PPP6R1: variants seen among roughly 807,000 people sequenced by gnomAD.
The protein encoded by PPP6R1 is protein phosphatase 6 regulatory subunit 1.
A neutral mutation model predicts 104.6 loss-of-function variants in PPP6R1; 39 were observed. The ratio of observed to expected loss-of-function variants is 0.37; its 90% CI spans 0.29 to 0.49. The LOEUF is 0.49. Ranked by LOEUF, PPP6R1 falls within the 20% of genes least tolerant of loss-of-function variation. The pLI is 0.98. For missense variants in PPP6R1, 1,181 were observed against 1,155.8 expected (o/e 1.02, Z -0.32); for synonymous variants, 549 against 479.0 (o/e 1.15, Z -1.91).
chr19:55,252,072 A>G (rs1158291258), intron 1 of PPP6R1, among the ~76,000 whole-genome samples: 2 of 152,234 alleles, frequency 1.3e-5, no homozygotes, highest in African/African-American at 2.4e-5. Flanking sequence ...AGGCAAATCC[A>G]TAGAGACAGA....
chr19:55,244,010 G>A (rs531005352), intron 5 of PPP6R1, among the ~76,000 whole-genome samples: 2 of 152,328 alleles, frequency 1.3e-5, no homozygotes, highest in South Asian at 2.1e-4. Flanking sequence ...TAAAAGCGCT[G>A]AATCGTAAGC....
At chr19:55,254,238 T>C (rs2087575631) in intron 1 of PPP6R1, among the ~76,000 whole-genome samples, 1 of 152,232 alleles carries the variant, frequency 6.6e-6, no homozygotes. Context: ...CGGAAGTGAC[T>C]ACCACTAGTT....
At position 55,245,757 on chromosome 19, in the gene PPP6R1, T is replaced by C; in HGVS notation, c.228-79A>G. The C allele has an allele frequency of 1.7e-6, 2 of 1,206,200 alleles. No individual in the cohort carries two copies. Among genetic ancestry groups the C allele is most frequent in the Non-Finnish European group, 1.2e-6 (1 of 858,256 alleles). 74.7% of individuals were successfully genotyped at this position (1,206,200 alleles called of 1,614,324 possible). A position where few individuals can be genotyped will look rare whatever the true frequency, so the allele number is the denominator to read the frequency against. On this transcript the variant is annotated intron_variant, in intron 2 of 23. Transcript: ENST00000412770. This position sits in a 1 kb window ranked among gnomAD's most constrained non-coding sequence, Gnocchi z 6.4. ...GGCGGCAAGGCTCCACCCTCTTCTC[T>C]GCACCGGGCACTGGGTTTCTGGGAA... is the stretch of plus-strand genomic sequence containing the variant.
chr19:55,252,422 A>C, intron 1 of PPP6R1, among the ~76,000 whole-genome samples: 1 of 143,470 alleles, frequency 7.0e-6, no homozygotes, highest in African/African-American at 2.6e-5. Context: ...TTTTTGAGAC[A>C]GAGTTTCGCT....
chr19:55,231,292 T>TG, intron 21 of PPP6R1, 118 bp downstream of exon 21: 3 of 1,225,632 alleles, frequency 2.4e-6, no homozygotes, highest in Non-Finnish European at 3.5e-6. Flanking sequence ...AGGCTGCGCC[T>TG]GGGGGTCCTG....
At chr19:55,236,324 T>C in intron 17 of PPP6R1, 1 of 266,426 alleles carries the variant, frequency 3.8e-6, no homozygotes, top group Non-Finnish European at 7.1e-6. Flanking sequence ...CCATCTAACT[T>C]TTGTATTTTT....
At chr19:55,242,658 A>T in intron 5 of PPP6R1, 170 bp from the exon 6 acceptor site, 1 of 626,712 alleles carries the variant, frequency 1.6e-6, no homozygotes. Flanking sequence ...GCTGGAGGGA[A>T]GATGGTGGAG....
intron 1 of PPP6R1, among the ~76,000 whole-genome samples, chr19:55,254,590 G>A (rs999092138): frequency 1.3e-5 from 2 of 152,134 alleles, no homozygotes; most frequent in African/African-American, 4.8e-5. Context: ...CCCAACCTGC[G>A]CTGACCCACG....
At chr19:55,230,710 A>G (rs2087334355) in intron 22 of PPP6R1, 26 bp from the exon 23 acceptor site, 1 of 1,543,858 alleles carries the variant, frequency 6.5e-7, no homozygotes, top group South Asian at 1.2e-5. Flanking sequence ...GGGGATGTGC[A>G]GAGGTCACTT....
rs759211090 is a variant in PPP6R1, at chr19:55,258,140, G to A, written c.-7+295C>T. 1.4e-4 allele frequency among the ~76,000 whole-genome samples: 22 copies of A among 152,366 alleles called. No individual in the cohort carries two copies. The Middle Eastern group carries it at 0.01, about 71-fold the overall frequency. On this transcript the variant is annotated intron_variant, in intron 1 of 23. Coordinates refer to ENST00000412770, the MANE Select transcript of PPP6R1 (RefSeq NM_014931.4). ...GCCAGAGAGGCAAGAGAGCGGAGCT[G>A]AGGCTCAGGGACTGGGGAGCGCAGC...
rs1273292936 is a variant in PPP6R1 at position 55,239,681 on chromosome 19, C to A, written c.1566G>T (p.Val522=). ...ETNKKNMVDL[V]NTHHLHSSSD... is the part of the protein sequence containing the mutation. ...TGGAGGAGTGTAGGTGGTGGGTGTT[C>A]ACCTGGGGAGAGGAGGGGGCGTCAG... Residue 522 remains valine (V), a splice_region_variant and synonymous_variant, in exon 14 of 24, where the codon GTG becomes GTT. Transcript: ENST00000412770. 1 of 1,610,306 alleles carries A rather than the reference C, an allele frequency of 6.2e-7. No individual in the cohort carries two copies. Among genetic ancestry groups the A allele is most frequent in the East Asian group, 2.2e-5 (1 of 44,778 alleles).
Position 55,230,679 on chromosome 19 carries a change from T to A in PPP6R1, c.2576A>T (p.Gln859Leu). 1 of 1,595,688 alleles carries A rather than the reference T, an allele frequency of 6.3e-7. No individual in the cohort carries two copies. The highest frequency in any genetic ancestry group is 2.3e-5 in the East Asian group (1 of 44,292). The change falls in exon 23 of 24, where the codon CAG becomes CTG. Residue 859 changes from glutamine to leucine, a missense_variant. Transcript: ENST00000412770. ...GGGTATCGGAGGAGGCGTGAGGGCC[T>A]GGGCACTGTCAGGGGAGAGAGGGGA... Reference protein sequence around the residue: ...PLGLPQSQSAQALTPPPIPNG... With the variant: ...PLGLPQSQSALALTPPPIPNG...
chr19:55,230,965 G>T (rs1324915610), intron 21 of PPP6R1, 81 bp from the exon 22 acceptor site: 1 of 1,235,444 alleles, frequency 8.1e-7, no homozygotes. Context: ...CCCGACTGAA[G>T]TCGGCTCACT....
At chr19:55,257,964 G>GCC (rs2122765565) in intron 1 of PPP6R1, among the ~76,000 whole-genome samples, 1 of 152,352 alleles carries the variant, frequency 6.6e-6, no homozygotes, top group East Asian at 1.9e-4. Context: ...GTGAAAACAA[G>GCC]CCCCGCTCCT....
chr19:55,236,875 C>A (rs1383036167), intron 16 of PPP6R1, 38 bp downstream of exon 16: 1 of 1,611,022 alleles, frequency 6.2e-7, no homozygotes, highest in African/African-American at 1.3e-5. Context: ...CCCCACACCC[C>A]TCCACCCGCC....
intron 5 of PPP6R1, among the ~76,000 whole-genome samples, chr19:55,244,719 GCT>G (rs914680303): frequency 1.3e-5 from 2 of 151,940 alleles, no homozygotes; most frequent in African/African-American, 4.8e-5. Flanking sequence ...GGTTCTCAAT[GCT>G]CTCTTTTCTC....
Position 55,240,062 on chromosome 19 carries a change from C to T in PPP6R1, c.1414G>A (p.Gly472Ser), listed in dbSNP as rs200106211. The T allele has an allele frequency of 3.3e-4, 525 of 1,602,742 alleles. 2 individuals carry two copies. The highest frequency in any genetic ancestry group is 2.7e-3 in the South Asian group (242 of 89,466). The change falls in exon 12 of 24, where the codon GGT becomes AGT. Residue 472 changes from glycine to serine, a missense_variant. Coordinates refer to ENST00000412770, the MANE Select transcript of PPP6R1 (RefSeq NM_014931.4). Reference sequence around the variant, plus strand: ...TTCTCCGTGTTCTGCACCAGGGCACCGGCCACTCTTGTCAGGTGACCCATG... The same window carrying T: ...TTCTCCGTGTTCTGCACCAGGGCACTGGCCACTCTTGTCAGGTGACCCATG... The part of the protein sequence containing the change: ...GYMGHLTRVA[G>S]ALVQNTEKGP...
At chr19:55,240,595 A>G (rs1304863393) in intron 10 of PPP6R1, among the ~76,000 whole-genome samples, 5 of 151,990 alleles carry the variant, frequency 3.3e-5, no homozygotes, top group Non-Finnish European at 7.4e-5. Flanking sequence ...TCACACATAC[A>G]TGTTCACATA....
At chr19:55,257,253 T>A (rs562376236) in intron 1 of PPP6R1, among the ~76,000 whole-genome samples, 12 of 152,322 alleles carry the variant, frequency 7.9e-5, no homozygotes, top group Admixed American at 2.0e-4. Context: ...CCTTGCTGCA[T>A]TTGCAGCGCA....
Sources: allele counts gnomAD v4.1 joint callset (sites outside exome capture counted in the v4.1 genomes callset), GRCh38; gene constraint gnomAD v4.1.1; non-coding constraint Gnocchi (gnomAD v3.1); transcripts MANE v1.5; gene names NCBI Gene and HGNC (gene_info 2026-07-23, HGNC 2026-07-21).